Variants in RBFOX1 observed in about 807,000 individuals in gnomAD.
RBFOX1 encodes the protein RNA binding protein fox-1 homolog 1.
In RBFOX1, 8 loss-of-function variants were observed where a neutral mutation model predicts 57.7. The observed-to-expected ratio is 0.14, with a 90% CI of 0.08 to 0.25. The LOEUF (loss-of-function observed/expected upper bound fraction) is 0.25, where lower values mean the gene tolerates loss of function less well. RBFOX1 is among the 10% of genes least tolerant of loss of function. The pLI, the probability that RBFOX1 is intolerant of heterozygous loss-of-function variation, is 1.00. For synonymous variants in RBFOX1, 326 were observed against 222.4 expected, an observed-to-expected ratio of 1.47 and a Z score of -4.15; for missense variants, 611 against 548.5, an observed-to-expected ratio of 1.11 and a Z score of -1.14.
intron 2 of RBFOX1, among the ~76,000 whole-genome samples, chr16:6,642,508 C>T (rs1000568279): frequency 1.3e-5 from 2 of 151,970 alleles, no homozygotes; most frequent in African/African-American, 2.4e-5. Context: ...CCTCGAGTTA[C>T]CCGGCCTTTT....
At chr16:5,781,767 G>C (rs1241624349) in intron 3 of RBFOX1, among the ~76,000 whole-genome samples, 1 of 152,170 alleles carries the variant, frequency 6.6e-6, no homozygotes, top group Non-Finnish European at 1.5e-5. Context: ...GAAATTTTCT[G>C]TTCTAGAGGG....
At chr16:5,573,047 A>G (rs951473116) in intron 2 of RBFOX1, among the ~76,000 whole-genome samples, 1 of 152,166 alleles carries the variant, frequency 6.6e-6, no homozygotes, top group African/African-American at 2.4e-5. Context: ...GGGCAGGGGC[A>G]GGGAGGACAT....
At chr16:7,053,772 T>A (rs1374782513) in intron 4 of RBFOX1, among the ~76,000 whole-genome samples, 3 of 152,200 alleles carry the variant, frequency 2.0e-5, no homozygotes, top group African/African-American at 7.2e-5. Context: ...ATGGTTCATT[T>A]AGTTTAGTCC....
At chr16:7,168,679 C>T (rs1187038858) in intron 4 of RBFOX1, among the ~76,000 whole-genome samples, 1 of 152,158 alleles carries the variant, frequency 6.6e-6, no homozygotes, top group African/African-American at 2.4e-5. Flanking sequence ...GCCATAACTT[C>T]CTTTCCTTCC....
intron 4 of RBFOX1, among the ~76,000 whole-genome samples, chr16:7,495,741 C>T (rs1385536571): frequency 1.3e-5 from 2 of 152,182 alleles, no homozygotes; most frequent in African/African-American, 2.4e-5. Flanking sequence ...TAAGACTACA[C>T]ATTGGGTACA....
chr16:5,769,585 G>A (rs981409790), intron 3 of RBFOX1, among the ~76,000 whole-genome samples: 4 of 152,116 alleles, frequency 2.6e-5, no homozygotes. Flanking sequence ...GTCAGAAGGA[G>A]GAGGTTGCGG....
At chr16:5,958,039 A>ATCTT (rs2059680215) in intron 4 of RBFOX1, among the ~76,000 whole-genome samples, 1 of 152,032 alleles carries the variant, frequency 6.6e-6, no homozygotes, top group Non-Finnish European at 1.5e-5. Flanking sequence ...TGTTGATTCT[A>ATCTT]GATTTGATGG....
intron 2 of RBFOX1, 147 bp from the exon 3 acceptor site, chr16:6,654,456 A>T: frequency 1.6e-6 from 1 of 625,918 alleles, no homozygotes; most frequent in Non-Finnish European, 2.6e-6. Context: ...AAGCACTATA[A>T]AGAGCAATGA....
intron 3 of RBFOX1, among the ~76,000 whole-genome samples, chr16:6,974,669 T>C (rs1056254649): frequency 6.6e-6 from 1 of 152,062 alleles, no homozygotes; most frequent in Non-Finnish European, 1.5e-5. Context: ...TTTATTTGCA[T>C]TTCTGGAAGA....
intron 4 of RBFOX1, among the ~76,000 whole-genome samples, chr16:7,353,019 A>C (rs2097155297): frequency 6.6e-6 from 1 of 152,068 alleles, no homozygotes; most frequent in South Asian, 2.1e-4. Context: ...CCCAGCCCAT[A>C]CCACTTTTCC....
chr16:6,589,227 C>A (rs1206144814), intron 2 of RBFOX1, among the ~76,000 whole-genome samples: 2 of 152,192 alleles, frequency 1.3e-5, no homozygotes, highest in Non-Finnish European at 1.5e-5. Flanking sequence ...CTCTAACCAG[C>A]CAATGGGTTC....
intron 4 of RBFOX1, among the ~76,000 whole-genome samples, chr16:7,174,218 G>C (rs1325651445): frequency 2.0e-5 from 3 of 151,828 alleles, no homozygotes; most frequent in African/African-American, 7.3e-5. Flanking sequence ...ATGAACATGA[G>C]GTTCATCCAT....
At chr16:7,603,279 T>C (rs994281207) in intron 9 of RBFOX1, among the ~76,000 whole-genome samples, 1 of 152,242 alleles carries the variant, frequency 6.6e-6, no homozygotes, top group Non-Finnish European at 1.5e-5. Context: ...TATATTCCTT[T>C]AGTTTCTTTA....
At chr16:6,011,324 T>G (rs1433123965) in intron 4 of RBFOX1, among the ~76,000 whole-genome samples, 1 of 152,232 alleles carries the variant, frequency 6.6e-6, no homozygotes, top group African/African-American at 2.4e-5. Context: ...AAAACAGCCT[T>G]TGTTTTTACA....
chr16:6,622,986 G>T (rs1282536196), intron 2 of RBFOX1, among the ~76,000 whole-genome samples: 1 of 152,312 alleles, frequency 6.6e-6, no homozygotes, highest in East Asian at 1.9e-4. Flanking sequence ...GGCAATTAAA[G>T]ATTAGCTATT....
intron 2 of RBFOX1, among the ~76,000 whole-genome samples, chr16:6,441,337 A>C (rs933171139): frequency 6.6e-6 from 1 of 152,184 alleles, no homozygotes; most frequent in African/African-American, 2.4e-5. Context: ...AGCTTCCCCT[A>C]AAGTCCTCTG....
At chr16:7,029,229 T>C (rs2042117090) in intron 3 of RBFOX1, among the ~76,000 whole-genome samples, 1 of 82,314 alleles carries the variant, frequency 1.2e-5, no homozygotes, top group Non-Finnish European at 2.4e-5. Flanking sequence ...TACACACATA[T>C]ATATACGTAT....
chr16:6,922,174 C>T (rs1361336419), intron 3 of RBFOX1, among the ~76,000 whole-genome samples: 1 of 152,084 alleles, frequency 6.6e-6, no homozygotes, highest in Non-Finnish European at 1.5e-5. Context: ...GAAATGGATC[C>T]TGGGGGGTAG....
intron 3 of RBFOX1, among the ~76,000 whole-genome samples, chr16:5,805,541 G>C (rs888069209): frequency 2.0e-5 from 3 of 152,166 alleles, no homozygotes; most frequent in African/African-American, 7.2e-5. Context: ...GACATGTATT[G>C]ATGGGATAAT....
Sources: gnomAD v4.1 joint callset for allele counts (sites outside exome capture counted in the v4.1 genomes callset) on GRCh38, gnomAD v4.1.1 for gene constraint, MANE v1.5 for transcripts, NCBI Gene and HGNC (gene_info 2026-07-23, HGNC 2026-07-21) for gene names.